The following MGRN1 variants were observed in gnomAD, a reference collection of about 807,000 sequenced individuals.
MGRN1 encodes the protein E3 ubiquitin-protein ligase MGRN1.
In MGRN1, 29 loss-of-function variants were observed where a neutral mutation model predicts 69.2. The ratio of observed to expected loss-of-function variants is 0.42; its 90% CI spans 0.31 to 0.57. The LOEUF is 0.57. Ranked by LOEUF, MGRN1 falls within the 20% of genes least tolerant of loss-of-function variation. The probability of loss-of-function intolerance (pLI) is 0.15; values close to 1 mark genes in which losing one functional copy is unlikely to be tolerated. For synonymous variants in MGRN1, 470 were observed against 344.2 expected (o/e 1.37, Z -4.04); for missense variants, 998 against 796.2 (o/e 1.25, Z -3.05).
intron 16 of MGRN1, chr16:4,687,250 G>A (rs1001886098): frequency 4.1e-6 from 4 of 985,254 alleles, no homozygotes; most frequent in Non-Finnish European, 4.8e-6. Context: ...CCAGGTGAGT[G>A]TTTTACAGAA....
intron 1 of MGRN1, among the ~76,000 whole-genome samples, chr16:4,641,479 G>C (rs148005341): frequency 6.8e-6 from 1 of 148,012 alleles, no homozygotes; most frequent in Non-Finnish European, 1.5e-5. Flanking sequence ...CTCTTGAGTG[G>C]CTGGTACTAC....
rs3747587 is a variant in MGRN1, at chr16:4,624,953, C to A, written c.-8C>A. 6.5e-7 allele frequency: 1 copy of A among 1,538,714 alleles called. No homozygotes were observed. The highest frequency in any genetic ancestry group is 8.7e-7 in the Non-Finnish European group (1 of 1,145,398). On this transcript the variant is annotated 5_prime_UTR_variant, in exon 1 of 17. Transcript: ENST00000262370. ...CCCTGGCCCCTCTGCCCGGCAGCGCCGCGCACCATGGGCTCCATTCTCAGC... is the reference window on the plus strand; with the variant it reads ...CCCTGGCCCCTCTGCCCGGCAGCGCAGCGCACCATGGGCTCCATTCTCAGC...
At chr16:4,650,285 G>A in intron 1 of MGRN1, 80 bp from the exon 2 acceptor site, 2 of 1,117,270 alleles carry the variant, frequency 1.8e-6, no homozygotes, top group Non-Finnish European at 2.6e-6. Flanking sequence ...CCTGGGTGGA[G>A]CGCCACTGCA....
intron 5 of MGRN1, among the ~76,000 whole-genome samples, chr16:4,661,804 G>T (rs183831461): frequency 6.6e-6 from 1 of 152,260 alleles, no homozygotes; most frequent in African/African-American, 2.4e-5. Context: ...GCCTAGGTCC[G>T]TGTGGACTTG....
intron 5 of MGRN1, among the ~76,000 whole-genome samples, chr16:4,657,738 C>CTTTTTTTT (rs1157518931): frequency 2.6e-5 from 2 of 76,998 alleles, no homozygotes; most frequent in Non-Finnish European, 4.9e-5. Flanking sequence ...TGCAGACATC[C>CTTTTTTTT]TTTTTTTTTT....
chr16:4,672,135 ACCTTGTGATCCACCCT>A (rs2078951729), intron 9 of MGRN1, among the ~76,000 whole-genome samples: 1 of 152,112 alleles, frequency 6.6e-6, no homozygotes, highest in African/African-American at 2.4e-5. Flanking sequence ...TGATCTCCTG[ACCTTGTGATCCACCCT>A]CCTCGGCCTC....
At chr16:4,671,300 T>G in intron 8 of MGRN1, 91 bp from the exon 9 acceptor site, 1 of 1,244,028 alleles carries the variant, frequency 8.0e-7, no homozygotes, top group African/African-American at 1.5e-5. Context: ...GGAAGCCTGG[T>G]AAGTTGGAGG....
At chr16:4,640,953 C>T (rs577487530) in intron 1 of MGRN1, among the ~76,000 whole-genome samples, 132 of 152,312 alleles carry the variant, frequency 8.7e-4, no homozygotes, top group African/African-American at 2.9e-3. Context: ...CCTTGTCTGC[C>T]CCTCTTTCCT....
Position 4,662,561 on chromosome 16 carries a change from C to G in MGRN1, c.562-2148C>G, listed in dbSNP as rs111926124. ...ATAGTAATACTCACAACAACTGTAG[C>G]AGCCACCACAGGCAGTGTCTCTGTG... On this transcript the variant is annotated intron_variant, in intron 5 of 16. Transcript: ENST00000262370. Among the ~76,000 whole-genome samples, 1,058 of 152,126 alleles carry G rather than the reference C, an allele frequency of 7.0e-3. 17 individuals are homozygous for G. The highest frequency in any genetic ancestry group is 0.023 in the African/African-American group (970 of 41,502).
intron 5 of MGRN1, 48 bp from the exon 6 acceptor site, chr16:4,664,661 A>C (rs1158638958): frequency 1.2e-6 from 2 of 1,600,092 alleles, no homozygotes; most frequent in African/African-American, 2.7e-5. Flanking sequence ...CCAGGCTTCC[A>C]GGCTTGGCTG....
chr16:4,665,032 G>T (rs1157552784), intron 6 of MGRN1, 70 bp from the exon 7 acceptor site: 10 of 1,569,582 alleles, frequency 6.4e-6, no homozygotes, highest in Non-Finnish European at 7.9e-6. Context: ...GCCTACCAGG[G>T]TCGGGGAGGT....
At chr16:4,632,725 C>G (rs1898073554) in intron 1 of MGRN1, among the ~76,000 whole-genome samples, 1 of 152,112 alleles carries the variant, frequency 6.6e-6, no homozygotes, top group Non-Finnish European at 1.5e-5. Context: ...TGTTGTGCAG[C>G]CATCACCACT....
intron 15 of MGRN1, 97 bp from the exon 16 acceptor site, chr16:4,683,746 C>T (rs2079242988): frequency 9.4e-7 from 1 of 1,064,894 alleles, no homozygotes; most frequent in East Asian, 2.6e-5. Context: ...ACAGTGGCTA[C>T]AGAGCCCTTG....
intron 1 of MGRN1, among the ~76,000 whole-genome samples, chr16:4,637,867 A>G (rs921468277): frequency 6.6e-6 from 1 of 152,288 alleles, no homozygotes; most frequent in South Asian, 2.1e-4. Flanking sequence ...GGTGGGGGCC[A>G]CCCTGAGGGT....
Position 4,686,821 on chromosome 16 carries a change from C to A in MGRN1, c.1619-1975C>A, listed in dbSNP as rs932084317. 7 of 987,136 alleles carry A rather than the reference C, an allele frequency of 7.1e-6. No individual in the cohort carries two copies. The African/African-American group carries it at 1.0e-4, about 15-fold the overall frequency. 61.1% of individuals were successfully genotyped at this position (987,136 alleles called of 1,614,324 possible). ...TTAGGACGCTCAGCAGGTCCACTCCCGTGTTCCGGTCGTGGCTTTAACAAT... is the reference window on the plus strand; with the variant it reads ...TTAGGACGCTCAGCAGGTCCACTCCAGTGTTCCGGTCGTGGCTTTAACAAT... On this transcript the variant is annotated intron_variant, in intron 16 of 16. Coordinates refer to ENST00000262370, the MANE Select transcript of MGRN1 (RefSeq NM_015246.4).
At chr16:4,657,423 G>A in intron 5 of MGRN1, 60 bp downstream of exon 5, 1 of 1,514,440 alleles carries the variant, frequency 6.6e-7, no homozygotes, top group Non-Finnish European at 9.2e-7. Context: ...CCCCTTGGGG[G>A]TGGGGCCAGC....
At chr16:4,657,490 G>A (rs1012101818) in intron 5 of MGRN1, 127 bp downstream of exon 5, 17 of 888,806 alleles carry the variant, frequency 1.9e-5, no homozygotes, top group African/African-American at 3.3e-5. Flanking sequence ...GGGAACGGCC[G>A]CCCCAGTCTG....
intron 8 of MGRN1, among the ~76,000 whole-genome samples, chr16:4,668,573 T>A (rs2078860788): frequency 6.7e-6 from 1 of 149,068 alleles, no homozygotes; most frequent in South Asian, 2.1e-4. Context: ...TCGCACACAC[T>A]CATACAGACA....
chr16:4,635,649 T>A (rs113751519), intron 1 of MGRN1, among the ~76,000 whole-genome samples: 1 of 151,494 alleles, frequency 6.6e-6, no homozygotes, highest in Admixed American at 6.6e-5. Context: ...TTTTCTTTTT[T>A]TTTGAGACAG....
Sources: allele counts gnomAD v4.1 joint callset (sites outside exome capture counted in the v4.1 genomes callset), GRCh38; gene constraint gnomAD v4.1.1; transcripts MANE v1.5; gene names NCBI Gene and HGNC (gene_info 2026-07-23, HGNC 2026-07-21).